Variants in CDNF observed in about 807,000 individuals in gnomAD.
The protein encoded by CDNF is cerebral dopamine neurotrophic factor, also known as ARMET-like protein 1.
A neutral mutation model predicts 14.8 loss-of-function variants in CDNF; 9 were observed. The ratio of observed to expected loss-of-function variants is 0.61; its 90% confidence interval spans 0.37 to 1.06. The LOEUF (loss-of-function observed/expected upper bound fraction) is 1.06. Among genes scored for constraint, CDNF ranks in the 50% least tolerant of loss-of-function variants. The pLI, the probability that CDNF is intolerant of heterozygous loss-of-function variation, is 0.01. For synonymous variants in CDNF, 86 were observed against 87.2 expected (o/e 0.99, Z 0.07); for missense variants, 228 against 228.4 (o/e 1.00, Z 0.01).
At chr10:14,829,534 T>A (rs1833826467) in intron 1 of CDNF, among the ~76,000 whole-genome samples, 1 of 152,238 alleles carries the variant, frequency 6.6e-6, no homozygotes, top group Admixed American at 6.5e-5. Flanking sequence ...TTGAAGATAC[T>A]TTCAAGCTTG....
Position 14,837,803 on chromosome 10 carries a change from G to T in CDNF, c.115+29C>A. On this transcript the variant is annotated intron_variant, in intron 1 of 3. Coordinates refer to ENST00000465530, the MANE Select transcript of CDNF (RefSeq NM_001029954.3). ...TGCTGCGCCGCAGCGCGGGGCCGCCGCCATGCAAGCAGTTGTCACACCGCT... is the reference window on the plus strand; with the variant it reads ...TGCTGCGCCGCAGCGCGGGGCCGCCTCCATGCAAGCAGTTGTCACACCGCT... 3 of 1,396,020 alleles carry T rather than the reference G, an allele frequency of 2.1e-6. No homozygotes were observed. The South Asian group carries it at 3.7e-5, about 17-fold the overall frequency. 86.5% of individuals were successfully genotyped at this position (1,396,020 alleles called of 1,614,324 possible).
rs993807776 is a variant in CDNF, at chr10:14,819,885, T to G, written c.*95A>C. The G allele has an allele frequency of 8.1e-7, 1 of 1,237,856 alleles. No homozygotes were observed. Among genetic ancestry groups the G allele is most frequent in the Non-Finnish European group, 1.1e-6 (1 of 887,858 alleles). The allele number at this position is 1,237,856 out of a possible 1,614,324, so 76.7% of individuals were successfully genotyped here. A position where few individuals can be genotyped will look rare whatever the true frequency, so the allele number is the denominator to read the frequency against. Reference sequence around the variant, plus strand: ...AACACAAAAAGCATGAGACCAAATATGATGCATTCCCAGTTATCCTTAATC... The same window carrying G: ...AACACAAAAAGCATGAGACCAAATAGGATGCATTCCCAGTTATCCTTAATC... On this transcript the variant is annotated 3_prime_UTR_variant, in exon 4 of 4. Coordinates refer to ENST00000465530, the MANE Select transcript of CDNF (RefSeq NM_001029954.3).
intron 2 of CDNF, among the ~76,000 whole-genome samples, chr10:14,827,201 G>C (rs1833806734): frequency 6.6e-6 from 1 of 152,076 alleles, no homozygotes; most frequent in African/African-American, 2.4e-5. Context: ...TGGGACGCCA[G>C]CCTGGGTGAC....
chr10:14,826,128 C>CAGA (rs1443843225), intron 2 of CDNF, among the ~76,000 whole-genome samples: 1 of 123,750 alleles, frequency 8.1e-6, no homozygotes. Flanking sequence ...GCAGCAGAAG[C>CAGA]AGGAGAAGGA....
At chr10:14,826,769 G>A (rs1415554764) in intron 2 of CDNF, among the ~76,000 whole-genome samples, 1 of 152,174 alleles carries the variant, frequency 6.6e-6, no homozygotes, top group African/African-American at 2.4e-5. Context: ...ATTAGTATCT[G>A]TATTTTATAC....
At chr10:14,826,173 CAGCAGCAGAAGCAGA>C (rs1564313585) in intron 2 of CDNF, among the ~76,000 whole-genome samples, 1 of 138,514 alleles carries the variant, frequency 7.2e-6, no homozygotes, top group African/African-American at 3.0e-5. Context: ...GAAGCAGAAG[CAGCAGCAGAAGCAGA>C]AGCAGCAGAA....
chr10:14,832,759 C>T (rs79171360), intron 1 of CDNF, among the ~76,000 whole-genome samples: 2,151 of 151,654 alleles, frequency 0.014, 60 homozygotes, highest in African/African-American at 0.048. Flanking sequence ...GGCCAAGAAA[C>T]TGGAACCGTG....
chr10:14,822,332 C>T (rs1024800608), intron 3 of CDNF, among the ~76,000 whole-genome samples: 9 of 152,024 alleles, frequency 5.9e-5, no homozygotes, highest in Non-Finnish European at 1.5e-5. Context: ...TGAAAAAAAG[C>T]CCAAAATACA....
intron 3 of CDNF, among the ~76,000 whole-genome samples, chr10:14,822,499 CCAGGAGG>C (rs548048145): frequency 2.2e-3 from 340 of 151,998 alleles, no homozygotes; most frequent in African/African-American, 7.8e-3. Flanking sequence ...TCTCTTGAAC[CCAGGAGG>C]CTGAGGTTGC....
intron 3 of CDNF, among the ~76,000 whole-genome samples, chr10:14,825,236 C>CT (rs1833769716): frequency 1.3e-5 from 2 of 152,110 alleles, no homozygotes; most frequent in South Asian, 2.1e-4. Flanking sequence ...GATGAAAGGC[C>CT]TGAGCCACCG....
rs1363717548 is a variant in CDNF at position 14,837,839 on chromosome 10, G to C, written c.108C>G (p.Asp36Glu). Residue 36 changes from aspartate to glutamate, a missense_variant, in exon 1 of 4, where the codon GAC becomes GAG. Physicochemically the swap from Asp to Glu is conservative, Grantham distance 45 (BLOSUM62 2). Coordinates refer to ENST00000465530, the MANE Select transcript of CDNF (RefSeq NM_001029954.3). ...GQEAGGRPGADCEVCKEFLNR... is the reference protein window; with the variant it reads ...GQEAGGRPGAECEVCKEFLNR... ...AGTTGTCACACCGCTCACCTTCACA[G>C]TCGGCCCCTGGCCGCCCCCCGGCCT... The C allele has an allele frequency of 6.3e-7, 1 of 1,585,034 alleles. No individual in the cohort carries two copies.
intron 3 of CDNF, among the ~76,000 whole-genome samples, chr10:14,822,184 A>G (rs1833743224): frequency 6.6e-6 from 1 of 152,188 alleles, no homozygotes; most frequent in South Asian, 2.1e-4. Flanking sequence ...GGTGCCAGCC[A>G]ACCTGGCTTC....
rs552967261 is a variant in CDNF, at chr10:14,826,500, G to A, written c.244-880C>T. Reference sequence around the variant, plus strand: ...AGAAGAAAAAGAAGAAGAAGAAGAAGAAAAAGAAGCAGCAGAAGCAGCAGA... The same window carrying A: ...AGAAGAAAAAGAAGAAGAAGAAGAAAAAAAAGAAGCAGCAGAAGCAGCAGA... On this transcript the variant is annotated intron_variant, in intron 2 of 3. Coordinates refer to ENST00000465530, the MANE Select transcript of CDNF (RefSeq NM_001029954.3). Among the ~76,000 whole-genome samples, 3 of 149,396 alleles carry A rather than the reference G, an allele frequency of 2.0e-5. No individual in the cohort carries two copies. The South Asian group carries it at 6.5e-4, about 33-fold the overall frequency.
rs1169199931 is a variant in CDNF at position 14,826,014 on chromosome 10, CAGAAGAAGA to C, written c.244-403_244-395del. 3.0e-3 allele frequency among the ~76,000 whole-genome samples: 274 copies of C among 92,766 alleles called. 1 individual carries two copies. Among genetic ancestry groups the C allele is most frequent in the South Asian group, 0.015 (44 of 2,846 alleles). 60.9% of individuals were successfully genotyped at this position (92,766 alleles called of 152,430 possible). Reference sequence around the variant, plus strand: ...GAAGAAGCAGCAGAAGAAGCAGAAGCAGAAGAAGAAGAAGGAGAAGAAGAAGAAGAAGAA... The same window carrying C: ...GAAGAAGCAGCAGAAGAAGCAGAAGCAGAAGGAGAAGAAGAAGAAGAAGAA... On this transcript the variant is annotated intron_variant, in intron 2 of 3. Transcript: ENST00000465530.
At position 14,819,998 on chromosome 10, in the gene CDNF, G is replaced by A. The variant is rs757383518; in HGVS notation, c.546C>T (p.His182=). Residue 182 remains histidine, a synonymous_variant, in exon 4 of 4, where the codon CAC becomes CAT. Coordinates refer to ENST00000465530, the MANE Select transcript of CDNF (RefSeq NM_001029954.3). Reference sequence around the variant, plus strand: ...TTGGAGATCAGAGCTCTGTTTTGGGGTGTGTCGCTGCATACTTGGGGGCCA... The same window carrying A: ...TTGGAGATCAGAGCTCTGTTTTGGGATGTGTCGCTGCATACTTGGGGGCCA... ...QELAPKYAAT[H]PKTEL is the part of the protein sequence containing the mutation. 6.2e-7 allele frequency: 1 copy of A among 1,613,804 alleles called. No individual in the cohort carries two copies. The highest frequency in any genetic ancestry group is 8.5e-7 in the Non-Finnish European group (1 of 1,179,992).
Position 14,825,683 on chromosome 10 carries a change from A to G in CDNF, c.244-63T>C, listed in dbSNP as rs531882240. ...TGAAGACATTCAGTATCATTCCAGT[A>G]ATGAAGGAATACAGTATCAAGAAGA... On this transcript the variant is annotated intron_variant, in intron 2 of 3. Coordinates refer to ENST00000465530, the MANE Select transcript of CDNF (RefSeq NM_001029954.3). 2.0e-6 allele frequency: 3 copies of G among 1,530,584 alleles called. No homozygotes were observed. The South Asian group carries it at 3.5e-5, about 18-fold the overall frequency. 94.8% of individuals were successfully genotyped at this position (1,530,584 alleles called of 1,614,324 possible). A position where few individuals can be genotyped will look rare whatever the true frequency, so the allele number is the denominator to read the frequency against.
At position 14,837,890 on chromosome 10, in the gene CDNF, A is replaced by G. The variant is rs778409197; in HGVS notation, c.57T>C (p.Ser19=). 4.9e-5 allele frequency: 79 copies of G among 1,607,186 alleles called. No individual in the cohort carries two copies. Among genetic ancestry groups the G allele is most frequent in the Non-Finnish European group, 6.0e-5 (71 of 1,178,434 alleles). ...CCTGGCCCTGCGTCAGCACCGGGTGAGAGACCAAAAGCCCGGCGCAAAAGG... is the reference window on the plus strand; with the variant it reads ...CCTGGCCCTGCGTCAGCACCGGGTGGGAGACCAAAAGCCCGGCGCAAAAGG... The part of the protein sequence containing the change: ...VVAFCAGLLV[S]HPVLTQGQEA... Residue 19 remains serine, a synonymous_variant, in exon 1 of 4, where the codon TCT becomes TCC. Coordinates refer to ENST00000465530, the MANE Select transcript of CDNF (RefSeq NM_001029954.3).
At chr10:14,820,196 A>C in intron 3 of CDNF, 38 bp from the exon 4 acceptor site, 2 of 1,598,702 alleles carry the variant, frequency 1.3e-6, no homozygotes, top group Non-Finnish European at 1.7e-6. Context: ...TTACAAAATA[A>C]ATGGAAAAAA....
At chr10:14,835,843 G>A (rs1214267003) in intron 1 of CDNF, among the ~76,000 whole-genome samples, 1 of 152,142 alleles carries the variant, frequency 6.6e-6, no homozygotes, top group Non-Finnish European at 1.5e-5. Flanking sequence ...TTGAATCGGG[G>A]GCAGAGTAGG....
Sources: allele counts gnomAD v4.1 joint callset (sites outside exome capture counted in the v4.1 genomes callset), GRCh38; gene constraint gnomAD v4.1.1; transcripts MANE v1.5; gene names NCBI Gene and HGNC (gene_info 2026-07-23, HGNC 2026-07-21).